Variants in RBFOX1 observed in about 807,000 individuals in gnomAD.
RBFOX1 encodes the protein RNA binding protein fox-1 homolog 1.
RBFOX1 carries 8 observed loss-of-function variants against 57.7 expected under a neutral mutation model. The ratio of observed to expected loss-of-function variants is 0.14; its 90% CI spans 0.08 to 0.25. The LOEUF is 0.25. Ranked by LOEUF, RBFOX1 falls within the 10% of genes least tolerant of loss-of-function variation. The pLI, the probability that RBFOX1 is intolerant of heterozygous loss-of-function variation, is 1.00. For missense variants in RBFOX1, 611 were observed against 548.5 expected, an observed-to-expected ratio of 1.11 and a Z score of -1.14; for synonymous variants, 326 against 222.4, an observed-to-expected ratio of 1.47 and a Z score of -4.15.
At chr16:5,746,794 C>G (rs2053000509) in intron 3 of RBFOX1, among the ~76,000 whole-genome samples, 1 of 152,162 alleles carries the variant, frequency 6.6e-6, no homozygotes, top group Non-Finnish European at 1.5e-5. Context: ...GATTTTGTAT[C>G]CTGAGACTTT....
rs960057556 is a variant in RBFOX1 at position 6,634,887 on chromosome 16, T to C, written c.-63-19716T>C. Among the ~76,000 whole-genome samples the C allele has an allele frequency of 7.9e-5, 11 of 138,514 alleles. No homozygotes were observed. In the East Asian group the frequency reaches 2.3e-3, roughly 29 times the overall value. The allele number at this position is 138,514 out of a possible 152,430, so 90.9% of individuals were successfully genotyped here. ...TAAATTCAAAATATATATTATAAAT[T>C]AAAAATACACATGTATATATTTTAA... On this transcript the variant is annotated intron_variant, in intron 2 of 15. Coordinates refer to ENST00000550418, the MANE Select transcript of RBFOX1 (RefSeq NM_018723.4).
chr16:7,077,204 C>G (rs1477881597), intron 4 of RBFOX1, among the ~76,000 whole-genome samples: 1 of 152,202 alleles, frequency 6.6e-6, no homozygotes, highest in African/African-American at 2.4e-5. Flanking sequence ...ATGCTCCAAT[C>G]AGGCTAGTCT....
chr16:7,214,573 G>T (rs2091717477), intron 4 of RBFOX1, among the ~76,000 whole-genome samples: 1 of 151,938 alleles, frequency 6.6e-6, no homozygotes, highest in South Asian at 2.1e-4. Context: ...CACTAGCTGT[G>T]CTCCTACCTC....
chr16:6,979,366 T>C (rs996757409), intron 3 of RBFOX1, among the ~76,000 whole-genome samples: 7 of 124,452 alleles, frequency 5.6e-5, no homozygotes, highest in Non-Finnish European at 9.9e-5. Context: ...ATGAAAACAT[T>C]AGTTGAACCT....
intron 4 of RBFOX1, among the ~76,000 whole-genome samples, chr16:7,472,844 G>A (rs1486035604): frequency 6.6e-6 from 1 of 152,190 alleles, no homozygotes; most frequent in Non-Finnish European, 1.5e-5. Context: ...TAGCAGGATA[G>A]GATGAATTCA....
chr16:5,597,374 C>A (rs2047217321), intron 2 of RBFOX1, among the ~76,000 whole-genome samples: 1 of 150,322 alleles, frequency 6.7e-6, no homozygotes, highest in Admixed American at 6.6e-5. Context: ...AAAGGGGTGA[C>A]CCCAGGCCAA....
chr16:7,687,358 A>T (rs957963957), intron 14 of RBFOX1, among the ~76,000 whole-genome samples: 1 of 151,994 alleles, frequency 6.6e-6, no homozygotes, highest in Non-Finnish European at 1.5e-5. Context: ...TATAAATTAG[A>T]TTATGAGCTT....
intron 2 of RBFOX1, among the ~76,000 whole-genome samples, chr16:5,495,805 C>T (rs891912400): frequency 3.9e-5 from 6 of 152,222 alleles, no homozygotes; most frequent in Non-Finnish European, 8.8e-5. Context: ...CAGGCATCTT[C>T]ATGAATGTTC....
intron 3 of RBFOX1, among the ~76,000 whole-genome samples, chr16:6,961,508 C>G (rs2083005548): frequency 6.6e-6 from 1 of 152,214 alleles, no homozygotes; most frequent in African/African-American, 2.4e-5. Context: ...AAGAAAGAAT[C>G]AGAGCGAGTC....
At chr16:6,029,500 G>A (rs950503164) in intron 1 of RBFOX1, among the ~76,000 whole-genome samples, 11 of 152,314 alleles carry the variant, frequency 7.2e-5, no homozygotes, top group Middle Eastern at 3.4e-3. Context: ...ATGGCCGGGC[G>A]TGGTGGCTCA....
intron 1 of RBFOX1, among the ~76,000 whole-genome samples, chr16:5,438,078 T>A (rs2067971312): frequency 6.6e-6 from 1 of 152,228 alleles, no homozygotes; most frequent in African/African-American, 2.4e-5. Context: ...GACCCATTGT[T>A]CATCTATAAC....
chr16:6,928,117 G>T (rs1315779611), intron 3 of RBFOX1, among the ~76,000 whole-genome samples: 2 of 152,142 alleles, frequency 1.3e-5, no homozygotes, highest in Non-Finnish European at 2.9e-5. Flanking sequence ...CCCTTCGGCA[G>T]ATGGCACAAT....
chr16:6,716,908 T>C (rs1031194524), intron 3 of RBFOX1, among the ~76,000 whole-genome samples: 1 of 152,174 alleles, frequency 6.6e-6, no homozygotes, highest in Non-Finnish European at 1.5e-5. Flanking sequence ...CCCAATGTGA[T>C]GGTATTAGGA....
At chr16:6,623,561 A>G (rs2098264604) in intron 2 of RBFOX1, among the ~76,000 whole-genome samples, 1 of 151,912 alleles carries the variant, frequency 6.6e-6, no homozygotes, top group Admixed American at 6.6e-5. Flanking sequence ...GTCATTTAAC[A>G]TTAGGTATAT....
chr16:6,827,282 G>T (rs1395694791), intron 3 of RBFOX1, among the ~76,000 whole-genome samples: 1 of 151,848 alleles, frequency 6.6e-6, no homozygotes, highest in African/African-American at 2.4e-5. Flanking sequence ...AGGGTTGAAA[G>T]TGCTGTCCTC....
At chr16:5,808,412 G>A (rs201497867) in intron 3 of RBFOX1, among the ~76,000 whole-genome samples, 1 of 151,808 alleles carries the variant, frequency 6.6e-6, no homozygotes, top group Admixed American at 6.6e-5. Context: ...GCTCTTTTTT[G>A]GTTCCATATG....
intron 3 of RBFOX1, among the ~76,000 whole-genome samples, chr16:6,845,503 T>G (rs1056798395): frequency 3.9e-5 from 6 of 152,204 alleles, no homozygotes; most frequent in Non-Finnish European, 8.8e-5. Flanking sequence ...TGTGCAGTCT[T>G]ATTTCTGAGT....
At chr16:5,465,970 G>A (rs1023791342) in intron 1 of RBFOX1, among the ~76,000 whole-genome samples, 1 of 152,214 alleles carries the variant, frequency 6.6e-6, no homozygotes, top group Non-Finnish European at 1.5e-5. Flanking sequence ...TGAGTCTGGA[G>A]CCCTTGATGG....
At chr16:6,885,372 C>G (rs959594078) in intron 3 of RBFOX1, among the ~76,000 whole-genome samples, 10 of 152,126 alleles carry the variant, frequency 6.6e-5, no homozygotes, top group African/African-American at 2.2e-4. Context: ...GGGGGGTTGC[C>G]GAAGCATGCT....
Sources: allele counts gnomAD v4.1 joint callset (sites outside exome capture counted in the v4.1 genomes callset), GRCh38; gene constraint gnomAD v4.1.1; transcripts MANE v1.5; gene names NCBI Gene and HGNC (gene_info 2026-07-23, HGNC 2026-07-21).